CDH12: variants seen among roughly 807,000 people sequenced by gnomAD.
CDH12 encodes the protein cadherin 12, also known as cadherin-12.
Under a neutral mutation model 74.1 loss-of-function variants are expected in CDH12, and 41 were observed. That is an observed-to-expected ratio of 0.55 (90% CI 0.43 to 0.72). The LOEUF is 0.72. CDH12 is among the 30% of genes least tolerant of loss of function. The pLI is 0.00. For synonymous variants in CDH12, 399 were observed against 355.0 expected (o/e 1.12, Z -1.39); for missense variants, 945 against 977.2 (o/e 0.97, Z 0.44).
intron 3 of CDH12, among the ~76,000 whole-genome samples, chr5:22,378,880 C>G (rs753090227): frequency 2.0e-5 from 3 of 151,928 alleles, no homozygotes; most frequent in African/African-American, 7.2e-5. Context: ...TTATATATGC[C>G]TATGGCTTGA....
At chr5:21,844,623 C>A (rs1264017869) in intron 7 of CDH12, among the ~76,000 whole-genome samples, 1 of 152,110 alleles carries the variant, frequency 6.6e-6, no homozygotes, top group African/African-American at 2.4e-5. Flanking sequence ...AAGGTCTTGA[C>A]AATTTTTATG....
intron 3 of CDH12, among the ~76,000 whole-genome samples, chr5:22,304,517 G>A (rs937837502): frequency 6.6e-6 from 1 of 152,086 alleles, no homozygotes; most frequent in African/African-American, 2.4e-5. Context: ...AGGCACAAAC[G>A]AGCTAAATTG....
chr5:21,751,788 C>T lies in CDH12; in HGVS notation c.2334G>A (p.Leu778=). 1 of 1,614,004 alleles carries T rather than the reference C, an allele frequency of 6.2e-7. No individual in the cohort carries two copies. Residue 778 remains leucine (L), a synonymous_variant, in exon 15 of 15, where the codon TTG becomes TTA. Transcript: ENST00000382254. ...TCTCTTCTTCGCCAAACATGTCTGC[C>T]AAGACTTTAAAGCGGGGTCCCCAGT... ...LTDWGPRFKV[L]ADMFGEEESY...
At chr5:22,554,667 T>A (rs1296570240) in intron 1 of CDH12, among the ~76,000 whole-genome samples, 1 of 152,060 alleles carries the variant, frequency 6.6e-6, no homozygotes, top group Non-Finnish European at 1.5e-5. Flanking sequence ...TCAGAGAAAT[T>A]AATGCTTCCT....
chr5:22,806,556 G>A (rs1264762302), intron 1 of CDH12, among the ~76,000 whole-genome samples: 1 of 151,838 alleles, frequency 6.6e-6, no homozygotes, highest in Middle Eastern at 3.4e-3. Flanking sequence ...GGGTTTCACC[G>A]TGTTAGCCAG....
chr5:22,064,470 G>C (rs1741424426), intron 5 of CDH12, among the ~76,000 whole-genome samples: 1 of 152,110 alleles, frequency 6.6e-6, no homozygotes, highest in African/African-American at 2.4e-5. Context: ...ATTTCTGGAA[G>C]TGGCTCTTTA....
At chr5:22,486,629 T>C (rs959285748) in intron 2 of CDH12, among the ~76,000 whole-genome samples, 2 of 151,898 alleles carry the variant, frequency 1.3e-5, no homozygotes, top group Non-Finnish European at 2.9e-5. Flanking sequence ...TTTTTTTGTA[T>C]TTTTGGTAGA....
At chr5:22,365,516 G>A (rs1740993330) in intron 3 of CDH12, among the ~76,000 whole-genome samples, 1 of 152,074 alleles carries the variant, frequency 6.6e-6, no homozygotes, top group Admixed American at 6.6e-5. Context: ...AAATTATATA[G>A]ATAAATAAGC....
intron 4 of CDH12, among the ~76,000 whole-genome samples, chr5:22,100,255 C>G (rs1453475573): frequency 6.6e-6 from 1 of 152,044 alleles, no homozygotes; most frequent in Non-Finnish European, 1.5e-5. Flanking sequence ...TGATTCTAAA[C>G]CTTAAATTAA....
Position 22,039,015 on chromosome 5 carries a change from C to T in CDH12, c.231+39431G>A, listed in dbSNP as rs147423107. On this transcript the variant is annotated intron_variant, in intron 5 of 14. Coordinates refer to ENST00000382254, the MANE Select transcript of CDH12 (RefSeq NM_004061.5). The stretch of plus-strand genomic sequence containing the variant: ...GTGACGCTTCTTGTCTCCTCCTGTC[C>T]CCCTGCCACTGCCCCAACAGGGTTC... Among the ~76,000 whole-genome samples the T allele has an allele frequency of 6.6e-3, 1,008 of 152,220 alleles. 5 individuals carry two copies. The highest frequency in any genetic ancestry group is 9.8e-3 in the Non-Finnish European group (664 of 68,020).
At chr5:22,611,790 C>A (rs1286509627) in intron 1 of CDH12, among the ~76,000 whole-genome samples, 2 of 152,056 alleles carry the variant, frequency 1.3e-5, no homozygotes, top group African/African-American at 4.8e-5. Context: ...CAACAGAGTG[C>A]AGTTGGTTTA....
chr5:22,444,023 G>C (rs185491068), intron 2 of CDH12, among the ~76,000 whole-genome samples: 2 of 152,140 alleles, frequency 1.3e-5, no homozygotes, highest in East Asian at 3.9e-4. Flanking sequence ...AGGATTGAGT[G>C]ATTATCAATT....
At chr5:21,948,408 T>C (rs1426744100) in intron 6 of CDH12, among the ~76,000 whole-genome samples, 2 of 152,252 alleles carry the variant, frequency 1.3e-5, no homozygotes, top group African/African-American at 4.8e-5. Context: ...TATGTTTTAA[T>C]GACTGCCCTG....
intron 1 of CDH12, among the ~76,000 whole-genome samples, chr5:22,772,134 T>C (rs932593553): frequency 3.3e-5 from 5 of 152,066 alleles, no homozygotes; most frequent in African/African-American, 1.2e-4. Context: ...GTAGGGTTTC[T>C]ATATTAGATA....
At chr5:21,846,991 T>C (rs1750208092) in intron 7 of CDH12, among the ~76,000 whole-genome samples, 1 of 152,004 alleles carries the variant, frequency 6.6e-6, no homozygotes, top group Non-Finnish European at 1.5e-5. Context: ...CCCAATGAGG[T>C]TTATAGTTCA....
chr5:22,745,238 G>T (rs772214704), intron 1 of CDH12, among the ~76,000 whole-genome samples: 26 of 151,874 alleles, frequency 1.7e-4, no homozygotes, highest in Non-Finnish European at 4.4e-5. Context: ...CAATCAAAGA[G>T]TTAGGCAAAT....
intron 1 of CDH12, among the ~76,000 whole-genome samples, chr5:22,637,929 G>C (rs1738927266): frequency 6.6e-6 from 1 of 152,148 alleles, no homozygotes; most frequent in South Asian, 2.1e-4. Context: ...CAATTCATCT[G>C]ACAGGAAATT....
At chr5:22,747,277 G>T (rs1480762829) in intron 1 of CDH12, among the ~76,000 whole-genome samples, 2 of 151,928 alleles carry the variant, frequency 1.3e-5, no homozygotes, top group African/African-American at 2.4e-5. Context: ...TTCAAACAAA[G>T]AAAATGTCCA....
chr5:22,506,971 C>T (rs548960751), intron 1 of CDH12, among the ~76,000 whole-genome samples: 7 of 152,148 alleles, frequency 4.6e-5, no homozygotes, highest in African/African-American at 1.7e-4. Context: ...TGAAATGCTC[C>T]TCTCTCAGTA....
Sources: gnomAD v4.1 joint callset for allele counts (sites outside exome capture counted in the v4.1 genomes callset) on GRCh38, gnomAD v4.1.1 for gene constraint, MANE v1.5 for transcripts, NCBI Gene and HGNC (gene_info 2026-07-23, HGNC 2026-07-21) for gene names.